Variants in KLHDC3 observed in about 807,000 individuals in gnomAD.
KLHDC3 encodes the protein kelch domain-containing protein 3.
In KLHDC3, 5 loss-of-function variants were observed where a neutral mutation model predicts 44.1. The observed-to-expected ratio is 0.11, with a 90% CI of 0.06 to 0.24. The LOEUF (loss-of-function observed/expected upper bound fraction) is 0.24. KLHDC3 is among the 10% of genes least tolerant of loss of function. The pLI is 1.00. For missense variants in KLHDC3, 247 were observed against 514.3 expected, an observed-to-expected ratio of 0.48 and a Z score of 5.03; for synonymous variants, 170 against 189.0, an observed-to-expected ratio of 0.90 and a Z score of 0.82.
chr6:43,016,977 G>A (rs1303455059), intron 1 of KLHDC3, 157 bp from the exon 2 acceptor site: 3 of 601,436 alleles, frequency 5.0e-6, no homozygotes, highest in Non-Finnish European at 5.8e-6. Context: ...CTTGGGGCAG[G>A]GCCAGCCACC....
rs1762603432 is a variant in KLHDC3 at position 43,017,410 on chromosome 6, G to A, written c.154+64G>A. The stretch of plus-strand genomic sequence containing the variant: ...AGGGTGGGAACGGGCTGCTGATGAG[G>A]TTTGGCTGTGGTCTCTGGGACCAAG... On this transcript the variant is annotated intron_variant, in intron 2 of 10. Coordinates refer to ENST00000326974, the MANE Select transcript of KLHDC3 (RefSeq NM_057161.4). This position sits in a 1 kb window ranked among gnomAD's most constrained non-coding sequence, Gnocchi z 6.0. The A allele has an allele frequency of 2.5e-6, 4 of 1,578,274 alleles. No homozygotes were observed. Among genetic ancestry groups the A allele is most frequent in the South Asian group, 1.2e-5 (1 of 85,262 alleles).
At position 43,019,164 on chromosome 6, in the gene KLHDC3, T is replaced by C. The variant is rs368009369; in HGVS notation, c.1002T>C (p.Phe334=). The change falls in exon 9 of 11, where the codon TTT becomes TTC. Residue 334 remains phenylalanine, a splice_region_variant and synonymous_variant. Coordinates refer to ENST00000326974, the MANE Select transcript of KLHDC3 (RefSeq NM_057161.4). The part of the protein sequence containing the change: ...IDHSDLHILD[F]SPSLKTLCKL... ...ATTCTGACTTACACATTTTGGACTTTAGTAAGTATAGTTATTCCTGAATTG... is the reference window on the plus strand; with the variant it reads ...ATTCTGACTTACACATTTTGGACTTCAGTAAGTATAGTTATTCCTGAATTG... 6.9e-5 allele frequency: 110 copies of C among 1,603,828 alleles called. No individual in the cohort carries two copies. Among genetic ancestry groups the C allele is most frequent in the African/African-American group, 4.5e-4 (34 of 74,850 alleles).
Position 43,017,807 on chromosome 6 carries a change from C to T in KLHDC3, c.332-46C>T. ...AGAGTACCCCAGAGCTGAGGAGGGA[C>T]TGTCATAGAGGGTGCTTAGTTGAGC... is the stretch of plus-strand genomic sequence containing the variant. On this transcript the variant is annotated intron_variant, in intron 3 of 10. Transcript: ENST00000326974. This position sits in a 1 kb window ranked among gnomAD's most constrained non-coding sequence, Gnocchi z 6.0. 1 of 1,588,086 alleles carries T rather than the reference C, an allele frequency of 6.3e-7. No homozygotes were observed. Among genetic ancestry groups the T allele is most frequent in the Non-Finnish European group, 8.6e-7 (1 of 1,158,334 alleles).
rs974196108 is a variant in KLHDC3, at chr6:43,021,108, C to A, written c.*375C>A. On this transcript the variant is annotated 3_prime_UTR_variant, in exon 11 of 11. Coordinates refer to ENST00000326974, the MANE Select transcript of KLHDC3 (RefSeq NM_057161.4). ...CCCCCTCCCCCTTTGCCTATCCCCT[C>A]CCCTCTGCTTGAGCCTTGAGCCTTG... The A allele has an allele frequency of 4.2e-6, 2 of 476,142 alleles. No homozygotes were observed. Among genetic ancestry groups the A allele is most frequent in the Non-Finnish European group, 8.3e-6 (2 of 240,332 alleles). 29.5% of individuals were successfully genotyped at this position (476,142 alleles called of 1,614,324 possible). A position where few individuals can be genotyped will look rare whatever the true frequency, so the allele number is the denominator to read the frequency against.
chr6:43,018,065 A>C lies in KLHDC3; in HGVS notation c.448-80A>C. 1 of 1,425,562 alleles carries C rather than the reference A, an allele frequency of 7.0e-7. No individual in the cohort carries two copies. Among genetic ancestry groups the C allele is most frequent in the South Asian group, 1.1e-5 (1 of 87,298 alleles). 88.3% of individuals were successfully genotyped at this position (1,425,562 alleles called of 1,614,324 possible). A position where few individuals can be genotyped will look rare whatever the true frequency, so the allele number is the denominator to read the frequency against. On this transcript the variant is annotated intron_variant, in intron 4 of 10. Transcript: ENST00000326974. This position sits in a 1 kb window ranked among gnomAD's most constrained non-coding sequence, Gnocchi z 6.0. Reference sequence around the variant, plus strand: ...AAATGGGAGGCTTTGGCTTGTTTGCAGGTTTTGAGGGGAGGGATGGAGGGT... The same window carrying C: ...AAATGGGAGGCTTTGGCTTGTTTGCCGGTTTTGAGGGGAGGGATGGAGGGT...
rs2150288795 is a variant in KLHDC3, at chr6:43,014,320, C to G, written c.-88C>G. On this transcript the variant is annotated 5_prime_UTR_variant, in exon 1 of 11. Coordinates refer to ENST00000326974, the MANE Select transcript of KLHDC3 (RefSeq NM_057161.4). ...CTAGGCTGCAGGCAGCTCGAGGACCCGCGGCCCCGCCCCGGCTCGGCCTGG... is the reference window on the plus strand; with the variant it reads ...CTAGGCTGCAGGCAGCTCGAGGACCGGCGGCCCCGCCCCGGCTCGGCCTGG... 1.6e-6 allele frequency: 1 copy of G among 633,516 alleles called. No homozygotes were observed. The highest frequency in any genetic ancestry group is 4.2e-4 in the Middle Eastern group (1 of 2,362). 39.2% of individuals were successfully genotyped at this position (633,516 alleles called of 1,614,324 possible).
chr6:43,020,008 T>C (rs961859661), intron 10 of KLHDC3, among the ~76,000 whole-genome samples: 2 of 152,026 alleles, frequency 1.3e-5, no homozygotes, highest in Non-Finnish European at 2.9e-5. Flanking sequence ...AAGCCCTGTC[T>C]ATACTAAAAA....
Position 43,019,125 on chromosome 6 carries a change from T to C in KLHDC3, c.963T>C (p.Phe321=). The change falls in exon 9 of 11, where the codon TTT becomes TTC. Residue 321 remains phenylalanine (F), a synonymous_variant. Coordinates refer to ENST00000326974, the MANE Select transcript of KLHDC3 (RefSeq NM_057161.4). The part of the protein sequence containing the change: ...PSPEEGLGDE[F]DLIDHSDLHI... ...CTGAGGAAGGCCTGGGAGATGAATT[T>C]GACCTTATAGATCATTCTGACTTAC... 1 of 1,613,734 alleles carries C rather than the reference T, an allele frequency of 6.2e-7. No individual in the cohort carries two copies. Among genetic ancestry groups the C allele is most frequent in the African/African-American group, 1.3e-5 (1 of 75,066 alleles).
chr6:43,020,605 A>G lies in KLHDC3; in HGVS notation c.1083-62A>G. ...CTGGTGTGTTTTTAGCTTGGTTCAA[A>G]CATCCCTTAGCTTGGGCTGAGGGCC... On this transcript the variant is annotated intron_variant, in intron 10 of 10. Transcript: ENST00000326974. 6.6e-6 allele frequency: 9 copies of G among 1,362,154 alleles called. No homozygotes were observed. The South Asian group carries it at 1.0e-4, about 16-fold the overall frequency. 84.4% of individuals were successfully genotyped at this position (1,362,154 alleles called of 1,614,324 possible).
intron 1 of KLHDC3, among the ~76,000 whole-genome samples, chr6:43,016,203 G>A (rs1762568522): frequency 6.6e-6 from 1 of 152,086 alleles, no homozygotes; most frequent in Non-Finnish European, 1.5e-5. Flanking sequence ...AGGGTGCTGG[G>A]ATTACAGGTG....
In KLHDC3 at chr6:43,018,165, C is replaced by T. The variant is rs750478247; in HGVS notation, c.468C>T (p.Asp156=). The T allele has an allele frequency of 6.2e-7, 1 of 1,610,878 alleles. No individual in the cohort carries two copies. The highest frequency in any genetic ancestry group is 1.7e-5 in the Admixed American group (1 of 60,018). ...YEQQADCFSN[D]IHKLDTSTMT... ...CTCAGGCGGACTGTTTTTCCAATGA[C>T]ATTCACAAGCTAGATACCAGCACCA... The change falls in exon 5 of 11, where the codon GAC becomes GAT. Residue 156 remains aspartate (D), a synonymous_variant. Coordinates refer to ENST00000326974, the MANE Select transcript of KLHDC3 (RefSeq NM_057161.4). This position sits in a 1 kb window ranked among gnomAD's most constrained non-coding sequence, Gnocchi z 6.0.
chr6:43,021,108 C>T lies in KLHDC3; in HGVS notation c.*375C>T, dbSNP rs974196108. ...CCCCCTCCCCCTTTGCCTATCCCCT[C>T]CCCTCTGCTTGAGCCTTGAGCCTTG... On this transcript the variant is annotated 3_prime_UTR_variant, in exon 11 of 11. Transcript: ENST00000326974. 4.2e-6 allele frequency: 2 copies of T among 476,024 alleles called. No homozygotes were observed. The highest frequency in any genetic ancestry group is 2.0e-5 in the African/African-American group (1 of 50,860). The allele number at this position is 476,024 out of a possible 1,614,324, so 29.5% of individuals were successfully genotyped here.
At chr6:43,019,207 C>A (rs745493417) in intron 9 of KLHDC3, 42 bp downstream of exon 9, 1 of 1,556,748 alleles carries the variant, frequency 6.4e-7, no homozygotes. Flanking sequence ...CATCAAGGTC[C>A]CTGTCTTTGG....
Position 43,018,014 on chromosome 6 carries a change from G to A in KLHDC3, c.447+46G>A. The A allele has an allele frequency of 6.6e-7, 1 of 1,524,562 alleles. No homozygotes were observed. Among genetic ancestry groups the A allele is most frequent in the South Asian group, 1.1e-5 (1 of 89,328 alleles). 94.4% of individuals were successfully genotyped at this position (1,524,562 alleles called of 1,614,324 possible). A position where few individuals can be genotyped will look rare whatever the true frequency, so the allele number is the denominator to read the frequency against. On this transcript the variant is annotated intron_variant, in intron 4 of 10. Transcript: ENST00000326974. This position sits in a 1 kb window ranked among gnomAD's most constrained non-coding sequence, Gnocchi z 6.0. ...AGAGGTTTAGGGTGGGACTGAGAAA[G>A]AGGGGAAGGGCAATTTAGGATGGTG...
Position 43,020,892 on chromosome 6 carries a change from C to A in KLHDC3, c.*159C>A. On this transcript the variant is annotated 3_prime_UTR_variant, in exon 11 of 11. Coordinates refer to ENST00000326974, the MANE Select transcript of KLHDC3 (RefSeq NM_057161.4). ...TCTGTGCTGTGAATTCAGTGGGGAG[C>A]TGTAGCGGGGTGGGGGCTAGGTTCC... 1.4e-6 allele frequency: 1 copy of A among 693,838 alleles called. No individual in the cohort carries two copies. 43.0% of individuals were successfully genotyped at this position (693,838 alleles called of 1,614,324 possible). A position where few individuals can be genotyped will look rare whatever the true frequency, so the allele number is the denominator to read the frequency against.
chr6:43,020,479 G>C (rs905832124), intron 10 of KLHDC3, among the ~76,000 whole-genome samples, 188 bp from the exon 11 acceptor site: 4 of 152,056 alleles, frequency 2.6e-5, no homozygotes, highest in African/African-American at 9.7e-5. Context: ...AGGAGTGGGT[G>C]GTGTTGGATT....
chr6:43,014,367 A>G lies in KLHDC3; in HGVS notation c.-60+19A>G. ...CTGGCAGGTAGCCTGGGATGGGTAG[A>G]AGGGCAAGGGAGAATTAGGGGGCTT... On this transcript the variant is annotated intron_variant, in intron 1 of 10. Transcript: ENST00000326974. 1 of 610,662 alleles carries G rather than the reference A, an allele frequency of 1.6e-6. No individual in the cohort carries two copies. The highest frequency in any genetic ancestry group is 3.0e-6 in the Non-Finnish European group (1 of 332,484). The allele number at this position is 610,662 out of a possible 1,614,324, so 37.8% of individuals were successfully genotyped here.
At chr6:43,019,428 C>A in intron 10 of KLHDC3, 62 bp downstream of exon 10, 1 of 1,159,698 alleles carries the variant, frequency 8.6e-7, no homozygotes, top group Non-Finnish European at 1.3e-6. Context: ...CAGGTGTGAC[C>A]TGATTAGCTT....
chr6:43,017,461 G>C lies in KLHDC3; in HGVS notation c.155-58G>C. On this transcript the variant is annotated intron_variant, in intron 2 of 10. Transcript: ENST00000326974. The surrounding 1 kb of genome is among the most constrained non-coding windows in gnomAD (Gnocchi z 6.0). ...GGGATTGGGGACAAACATCTGGTTT[G>C]GGAAAAGTGGACAGCCTGGAGGGAG... The C allele has an allele frequency of 6.4e-7, 1 of 1,561,884 alleles. No individual in the cohort carries two copies. The highest frequency in any genetic ancestry group is 1.8e-5 in the Admixed American group (1 of 55,884).
Sources: gnomAD v4.1 joint callset for allele counts (sites outside exome capture counted in the v4.1 genomes callset) on GRCh38, gnomAD v4.1.1 for gene constraint, Gnocchi (gnomAD v3.1) non-coding constraint, MANE v1.5 for transcripts, NCBI Gene and HGNC (gene_info 2026-07-23, HGNC 2026-07-21) for gene names.